The following LHFPL3 variants were observed in gnomAD, a reference collection of about 807,000 sequenced individuals.
The protein encoded by LHFPL3 is LHFPL tetraspan subfamily member 3.
In LHFPL3, 5 loss-of-function variants were observed where a neutral mutation model predicts 19.3. The observed-to-expected ratio is 0.26, with a 90% confidence interval of 0.14 to 0.54. LHFPL3 has a LOEUF of 0.54. Among genes scored for constraint, LHFPL3 ranks in the 20% least tolerant of loss-of-function variants. The pLI is 0.94. For synonymous variants in LHFPL3, 133 were observed against 126.2 expected, an observed-to-expected ratio of 1.05 and a Z score of -0.36; for missense variants, 249 against 307.4, an observed-to-expected ratio of 0.81 and a Z score of 1.42.
chr7:104,406,961 G>T (rs1200161680), intron 1 of LHFPL3, among the ~76,000 whole-genome samples: 1 of 152,204 alleles, frequency 6.6e-6, no homozygotes, highest in Non-Finnish European at 1.5e-5. Context: ...TGAAGTCCAA[G>T]GTATGAGTTA....
intron 2 of LHFPL3, among the ~76,000 whole-genome samples, chr7:104,791,791 T>C (rs1790029381): frequency 6.6e-6 from 1 of 152,114 alleles, no homozygotes; most frequent in Admixed American, 6.5e-5. Context: ...GTGCAGGGTC[T>C]TTGTATTCTT....
intron 1 of LHFPL3, among the ~76,000 whole-genome samples, chr7:104,628,950 G>T (rs1465463760): frequency 6.6e-6 from 1 of 152,078 alleles, no homozygotes; most frequent in African/African-American, 2.4e-5. Flanking sequence ...CTCAGCACTG[G>T]TCCTATCAAA....
intron 2 of LHFPL3, among the ~76,000 whole-genome samples, chr7:104,783,458 A>G (rs1789852388): frequency 6.6e-6 from 1 of 152,246 alleles, no homozygotes; most frequent in Non-Finnish European, 1.5e-5. Flanking sequence ...GTAGTTCAAT[A>G]AGAAATTTTG....
chr7:104,406,652 G>C (rs1187602824), intron 1 of LHFPL3, among the ~76,000 whole-genome samples: 6 of 152,218 alleles, frequency 3.9e-5, no homozygotes, highest in Admixed American at 3.9e-4. Flanking sequence ...GACACAGGTA[G>C]ATATGCAGGA....
At chr7:104,492,857 G>C (rs1038594341) in intron 1 of LHFPL3, among the ~76,000 whole-genome samples, 1 of 151,920 alleles carries the variant, frequency 6.6e-6, no homozygotes, top group African/African-American at 2.4e-5. Context: ...GATCCCACTC[G>C]TTCCTGCCTC....
intron 1 of LHFPL3, among the ~76,000 whole-genome samples, chr7:104,453,494 G>A (rs1792482355): frequency 6.6e-6 from 1 of 151,900 alleles, no homozygotes. Flanking sequence ...AGACATTCCT[G>A]GGTTGTAGAA....
chr7:104,538,006 A>T (rs1365091483), intron 1 of LHFPL3, among the ~76,000 whole-genome samples: 1 of 152,132 alleles, frequency 6.6e-6, no homozygotes, highest in Admixed American at 6.5e-5. Context: ...CCTGTGAGGG[A>T]TGGTTTCTCC....
chr7:104,577,688 A>G (rs889847696), intron 1 of LHFPL3, among the ~76,000 whole-genome samples: 4 of 152,196 alleles, frequency 2.6e-5, no homozygotes, highest in African/African-American at 9.7e-5. Context: ...TTCATAAACT[A>G]TGCCTTCTAT....
At chr7:104,362,546 C>T (rs1584267449) in intron 1 of LHFPL3, among the ~76,000 whole-genome samples, 1 of 152,200 alleles carries the variant, frequency 6.6e-6, no homozygotes, top group South Asian at 2.1e-4. Context: ...TCCAGGTCTG[C>T]CTAACAGCAA....
chr7:104,553,392 A>G (rs1179280048), intron 1 of LHFPL3, among the ~76,000 whole-genome samples: 1 of 152,194 alleles, frequency 6.6e-6, no homozygotes, highest in Non-Finnish European at 1.5e-5. Context: ...AGTTATAAAG[A>G]GTCTAACATC....
At chr7:104,635,451 T>G (rs974352015) in intron 1 of LHFPL3, among the ~76,000 whole-genome samples, 4 of 152,060 alleles carry the variant, frequency 2.6e-5, no homozygotes, top group African/African-American at 9.7e-5. Flanking sequence ...GGGCAAAATG[T>G]AAAGAAAAAA....
intron 2 of LHFPL3, among the ~76,000 whole-genome samples, chr7:104,886,633 G>A (rs1047884200): frequency 6.6e-6 from 1 of 152,174 alleles, no homozygotes. Flanking sequence ...CCAAAGTGCT[G>A]GGATTACAGG....
intron 2 of LHFPL3, among the ~76,000 whole-genome samples, chr7:104,761,848 T>C (rs1220844487): frequency 6.6e-6 from 1 of 152,172 alleles, no homozygotes; most frequent in African/African-American, 2.4e-5. Context: ...ATCCTTTTAA[T>C]AGAAGTGCCA....
At chr7:104,691,713 G>T (rs1792908755) in intron 1 of LHFPL3, among the ~76,000 whole-genome samples, 1 of 152,220 alleles carries the variant, frequency 6.6e-6, no homozygotes, top group Admixed American at 6.5e-5. Flanking sequence ...CTCTCTGAGT[G>T]GTCAAAAACT....
chr7:104,724,716 T>C (rs919014449), intron 1 of LHFPL3, among the ~76,000 whole-genome samples: 15 of 152,190 alleles, frequency 9.9e-5, no homozygotes, highest in African/African-American at 3.4e-4. Context: ...GACATAAGTT[T>C]ACCTATGCAA....
chr7:104,330,609 C>T (rs1268581516), intron 1 of LHFPL3, among the ~76,000 whole-genome samples: 1 of 151,974 alleles, frequency 6.6e-6, no homozygotes, highest in African/African-American at 2.4e-5. Context: ...TATTGATTTG[C>T]CATATATTGT....
intron 1 of LHFPL3, among the ~76,000 whole-genome samples, chr7:104,618,833 T>C (rs1548938): frequency 0.97 from 147,306 of 152,304 alleles, 71,400 homozygotes; most frequent in East Asian, 1. Flanking sequence ...AGTCCCTTAA[T>C]GGTAGTGCTG....
chr7:104,829,168 G>A (rs1281241784), intron 2 of LHFPL3, among the ~76,000 whole-genome samples: 1 of 151,836 alleles, frequency 6.6e-6, no homozygotes, highest in African/African-American at 2.4e-5. Context: ...CCCCCATTAA[G>A]AGCCTCCCAT....
chr7:104,880,942 G>C (rs529655085), intron 2 of LHFPL3, among the ~76,000 whole-genome samples: 1 of 152,090 alleles, frequency 6.6e-6, no homozygotes, highest in Non-Finnish European at 1.5e-5. Flanking sequence ...AGGCCAAGGC[G>C]GGTGAATCAC....
Sources: gnomAD v4.1 joint callset for allele counts (sites outside exome capture counted in the v4.1 genomes callset) on GRCh38, gnomAD v4.1.1 for gene constraint, MANE v1.5 for transcripts, NCBI Gene and HGNC (gene_info 2026-07-23, HGNC 2026-07-21) for gene names.